The following TRIM2 variants were observed in gnomAD, a reference collection of about 807,000 sequenced individuals.
TRIM2 encodes tripartite motif-containing protein 2.
In TRIM2, 20 loss-of-function variants were observed where a neutral mutation model predicts 75.2. The observed-to-expected ratio is 0.27, with a 90% CI of 0.19 to 0.39. The LOEUF (loss-of-function observed/expected upper bound fraction) is 0.39, where lower values mean the gene tolerates loss of function less well. Ranked by LOEUF, TRIM2 falls within the 10% of genes least tolerant of loss-of-function variation. The probability of loss-of-function intolerance (pLI) is 1.00; values close to 1 mark genes in which losing one functional copy is unlikely to be tolerated. For synonymous variants in TRIM2, 373 were observed against 388.3 expected (o/e 0.96, Z 0.46); for missense variants, 660 against 990.8 (o/e 0.67, Z 4.48).
chr4:153,265,027 A>G (rs1013850479), intron 1 of TRIM2, among the ~76,000 whole-genome samples: 4 of 152,220 alleles, frequency 2.6e-5, no homozygotes, highest in Admixed American at 2.6e-4. Context: ...AATAATTATC[A>G]TAAAGTTAGA....
chr4:153,302,111 TC>T (rs1764035085), intron 6 of TRIM2, among the ~76,000 whole-genome samples: 1 of 152,256 alleles, frequency 6.6e-6, no homozygotes, highest in South Asian at 2.1e-4. Context: ...ACATGAGCCA[TC>T]TTTTTATTTA....
At chr4:153,237,160 T>C (rs545007423) in intron 1 of TRIM2, among the ~76,000 whole-genome samples, 14 of 152,248 alleles carry the variant, frequency 9.2e-5, no homozygotes, top group African/African-American at 3.4e-4. Flanking sequence ...GTGTGGGAAA[T>C]TAAGGTTTAA....
chr4:153,198,755 A>G (rs1190096340), intron 1 of TRIM2, among the ~76,000 whole-genome samples: 2 of 152,180 alleles, frequency 1.3e-5, no homozygotes, highest in Non-Finnish European at 2.9e-5. Flanking sequence ...CAAATCAGGG[A>G]CTTGATAATG....
upstream of TRIM2, among the ~76,000 whole-genome samples, chr4:153,204,075 A>G (rs1056557028): frequency 6.6e-6 from 1 of 152,172 alleles, no homozygotes; most frequent in African/African-American, 2.4e-5. Flanking sequence ...CATGAATACC[A>G]CATTTATTAA....
Position 153,336,296 on chromosome 4 carries a change from TC to T in TRIM2, c.*1332del, listed in dbSNP as rs1772437546. 19 of 984,860 alleles carry T rather than the reference TC, an allele frequency of 1.9e-5. No homozygotes were observed. Among genetic ancestry groups the T allele is most frequent in the Non-Finnish European group, 2.2e-5 (18 of 829,802 alleles). The allele number at this position is 984,860 out of a possible 1,614,324, so 61.0% of individuals were successfully genotyped here. A position where few individuals can be genotyped will look rare whatever the true frequency, so the allele number is the denominator to read the frequency against. On this transcript the variant is annotated 3_prime_UTR_variant, in exon 12 of 12. Transcript: ENST00000338700. ...AAAGCAGATTTAATTTTTGCCATTT[TC>T]CAAGAATGACGGTGGTGGCTTTTAG...
chr4:153,185,565 G>C (rs1185079148), intron 1 of TRIM2, among the ~76,000 whole-genome samples: 1 of 152,116 alleles, frequency 6.6e-6, no homozygotes, highest in Non-Finnish European at 1.5e-5. Flanking sequence ...ATTTTCATGT[G>C]TGATCTCAGC....
At chr4:153,273,804 G>T (rs1757437715) in intron 2 of TRIM2, among the ~76,000 whole-genome samples, 1 of 152,190 alleles carries the variant, frequency 6.6e-6, no homozygotes, top group Non-Finnish European at 1.5e-5. Context: ...AGAGGAATTT[G>T]CCCTAATCTG....
At chr4:153,183,630 C>T (rs1190083956) in intron 1 of TRIM2, among the ~76,000 whole-genome samples, 1 of 152,160 alleles carries the variant, frequency 6.6e-6, no homozygotes, top group African/African-American at 2.4e-5. Flanking sequence ...CAGGGATGAG[C>T]AGAGGCTGAA....
chr4:153,199,309 T>C (rs903448293), intron 1 of TRIM2, among the ~76,000 whole-genome samples: 1 of 152,222 alleles, frequency 6.6e-6, no homozygotes, highest in Non-Finnish European at 1.5e-5. Flanking sequence ...AGTTCAAATA[T>C]AGTCCTTCCC....
chr4:153,219,816 C>T (rs533374513), intron 1 of TRIM2, among the ~76,000 whole-genome samples: 3 of 152,110 alleles, frequency 2.0e-5, no homozygotes, highest in African/African-American at 4.8e-5. Context: ...TGCAGTGAGC[C>T]GAGGTTGTGC....
In TRIM2 at chr4:153,315,969, C is replaced by G; in HGVS notation, c.1752C>G (p.Val584=). ...TTGCCGATTATGATAATAAATGGGT[C>G]AGCATTTTCTCCTCCGATGGGAAAT... The part of the protein sequence containing the change: ...IIIADYDNKW[V]SIFSSDGKFK... The change falls in exon 8 of 12, where the codon GTC becomes GTG. Residue 584 remains valine, a synonymous_variant. Transcript: ENST00000338700. 6.3e-7 allele frequency: 1 copy of G among 1,586,958 alleles called. No individual in the cohort carries two copies. Among genetic ancestry groups the G allele is most frequent in the Admixed American group, 1.9e-5 (1 of 53,610 alleles).
chr4:153,160,556 G>A (rs988121018), intron 1 of TRIM2, among the ~76,000 whole-genome samples: 11 of 152,186 alleles, frequency 7.2e-5, no homozygotes, highest in Non-Finnish European at 1.6e-4. Flanking sequence ...TTATAGGCAT[G>A]AGCCACCATG....
intron 8 of TRIM2, among the ~76,000 whole-genome samples, chr4:153,319,535 C>G (rs938371830): frequency 1.3e-5 from 2 of 152,010 alleles, no homozygotes; most frequent in Non-Finnish European, 1.5e-5. Context: ...TCAAGACCAG[C>G]CTGGCCAACA....
At chr4:153,325,228 T>C (rs1769899226) in intron 10 of TRIM2, among the ~76,000 whole-genome samples, 1 of 152,180 alleles carries the variant, frequency 6.6e-6, no homozygotes, top group South Asian at 2.1e-4. Flanking sequence ...ATCTTTTTGA[T>C]GGGTGCCAAG....
chr4:153,257,546 C>G, intron 1 of TRIM2: 2 of 1,289,724 alleles, frequency 1.6e-6, no homozygotes, highest in Non-Finnish European at 2.0e-6. Flanking sequence ...TGTGCATGAA[C>G]TGGCACATCA....
chr4:153,258,927 G>C (rs1179948523), intron 1 of TRIM2, among the ~76,000 whole-genome samples: 1 of 152,086 alleles, frequency 6.6e-6, no homozygotes, highest in Non-Finnish European at 1.5e-5. Flanking sequence ...AATAATGCAC[G>C]CCCCTCCCAA....
At chr4:153,267,620 C>T (rs912236531) in intron 1 of TRIM2, among the ~76,000 whole-genome samples, 2 of 152,218 alleles carry the variant, frequency 1.3e-5, no homozygotes. Context: ...CACTGCACTC[C>T]AGCCTGGGTG....
upstream of TRIM2, among the ~76,000 whole-genome samples, chr4:153,202,791 A>G (rs1250644079): frequency 2.6e-5 from 4 of 151,200 alleles, no homozygotes; most frequent in Non-Finnish European, 5.9e-5. Context: ...TTGGAAGGTT[A>G]AGCTGCTGTA....
intron 1 of TRIM2, among the ~76,000 whole-genome samples, chr4:153,195,803 A>G (rs575342415): frequency 6.6e-6 from 1 of 152,174 alleles, no homozygotes; most frequent in Non-Finnish European, 1.5e-5. Context: ...GAACATGTTC[A>G]TTAACTTCTT....
Sources: allele counts gnomAD v4.1 joint callset (sites outside exome capture counted in the v4.1 genomes callset), GRCh38; gene constraint gnomAD v4.1.1; transcripts MANE v1.5; gene names NCBI Gene and HGNC (gene_info 2026-07-23, HGNC 2026-07-21).